The following EMID1 variants were observed in gnomAD, a reference collection of about 807,000 sequenced individuals.
The protein encoded by EMID1 is EMI domain containing 1.
EMID1 carries 40 observed loss-of-function variants against 60.6 expected under a neutral mutation model. That is an observed-to-expected ratio of 0.66 (90% CI 0.51 to 0.86). EMID1 has a LOEUF of 0.86. Ranked by LOEUF, EMID1 falls within the 40% of genes least tolerant of loss-of-function variation. The probability of loss-of-function intolerance (pLI) is 0.00; values close to 1 mark genes in which losing one functional copy is unlikely to be tolerated. For synonymous variants in EMID1, 242 were observed against 231.0 expected (o/e 1.05, Z -0.43); for missense variants, 585 against 597.1 (o/e 0.98, Z 0.21).
chr22:29,215,131 G>A (rs1231835865), intron 2 of EMID1, 92 bp downstream of exon 2: 6 of 1,442,264 alleles, frequency 4.2e-6, no homozygotes, highest in Admixed American at 2.4e-5. Context: ...GGAGTGTGGG[G>A]GAAGACTGGA....
At chr22:29,230,024 C>G (rs2040670416) in intron 5 of EMID1, among the ~76,000 whole-genome samples, 1 of 152,212 alleles carries the variant, frequency 6.6e-6, no homozygotes, top group South Asian at 2.1e-4. Context: ...TCAGACTCTT[C>G]CAAACTTCCT....
intron 12 of EMID1, among the ~76,000 whole-genome samples, chr22:29,236,418 C>T (rs115554322): frequency 0.039 from 5,859 of 152,012 alleles, 236 homozygotes; most frequent in East Asian, 0.13. Flanking sequence ...AGTCTGTGCA[C>T]GGTGGCTCAC....
At chr22:29,224,666 G>T (rs2040432123) in intron 3 of EMID1, among the ~76,000 whole-genome samples, 1 of 152,258 alleles carries the variant, frequency 6.6e-6, no homozygotes. Context: ...TACTGTGTGT[G>T]CCAGTCCCTG....
Position 29,225,128 on chromosome 22 carries a change from C to T in EMID1, c.320-5C>T. On this transcript the variant is annotated splice_region_variant and splice_polypyrimidine_tract_variant and intron_variant, in intron 3 of 14. Coordinates refer to ENST00000334018, the MANE Select transcript of EMID1 (RefSeq NM_133455.4). ...CCAGCAGGGCTCTCACCCTCCATCC[C>T]TTAGTTGCAGCTTCCTCTGCCTCCT... 2 of 1,613,660 alleles carry T rather than the reference C, an allele frequency of 1.2e-6. No individual in the cohort carries two copies. The highest frequency in any genetic ancestry group is 2.2e-5 in the South Asian group (2 of 91,080).
rs1021203430 is a variant in EMID1, at chr22:29,259,581, C to T, written c.*637C>T. Reference sequence around the variant, plus strand: ...GATGTGTGCTGGCCAATAAAGGCCCCTACCTGATTCCCCGCAGCTTGGTCT... The same window carrying T: ...GATGTGTGCTGGCCAATAAAGGCCCTTACCTGATTCCCCGCAGCTTGGTCT... On this transcript the variant is annotated 3_prime_UTR_variant, in exon 15 of 15. Coordinates refer to ENST00000334018, the MANE Select transcript of EMID1 (RefSeq NM_133455.4). 1.1e-5 allele frequency: 2 copies of T among 177,384 alleles called. No homozygotes were observed. The highest frequency in any genetic ancestry group is 4.8e-5 in the African/African-American group (2 of 41,892). 11.0% of individuals were successfully genotyped at this position (177,384 alleles called of 1,614,324 possible).
intron 2 of EMID1, chr22:29,215,293 C>T (rs2040043139): frequency 3.1e-6 from 3 of 981,358 alleles, no homozygotes. Flanking sequence ...TGGGCTCAGG[C>T]CAGCCCAGCC....
At chr22:29,230,427 A>G (rs1264919715) in intron 5 of EMID1, among the ~76,000 whole-genome samples, 1 of 152,232 alleles carries the variant, frequency 6.6e-6, no homozygotes, top group African/African-American at 2.4e-5. Context: ...TCTTATTTGG[A>G]TAACCATAGA....
chr22:29,231,254 C>G, intron 6 of EMID1, 114 bp downstream of exon 6: 1 of 1,411,040 alleles, frequency 7.1e-7, no homozygotes, highest in Admixed American at 2.7e-5. Context: ...TCTAGTGGGC[C>G]TCAGTCTTCC....
chr22:29,239,430 C>T (rs5763083), intron 12 of EMID1, among the ~76,000 whole-genome samples: 62,382 of 150,282 alleles, frequency 0.42, 13,557 homozygotes, highest in East Asian at 0.68. Flanking sequence ...CACGCCCAGG[C>T]CTTTCTTAGA....
intron 1 of EMID1, among the ~76,000 whole-genome samples, chr22:29,208,809 G>C (rs938058978): frequency 5.9e-5 from 9 of 152,346 alleles, no homozygotes; most frequent in African/African-American, 1.9e-4. Flanking sequence ...GCTGGGTGTG[G>C]GGCCCATGTC....
intron 13 of EMID1, among the ~76,000 whole-genome samples, chr22:29,247,122 A>G (rs754339947): frequency 3.3e-5 from 5 of 151,914 alleles, no homozygotes; most frequent in Admixed American, 6.6e-5. Context: ...GGGACTCTGT[A>G]GCCATGCCTG....
At chr22:29,252,305 A>G (rs1439006138) in intron 13 of EMID1, among the ~76,000 whole-genome samples, 1 of 152,240 alleles carries the variant, frequency 6.6e-6, no homozygotes, top group African/African-American at 2.4e-5. Context: ...CATGATGGAC[A>G]TATTGAGAGA....
At position 29,225,195 on chromosome 22, in the gene EMID1, C is replaced by T; in HGVS notation, c.382C>T (p.Leu128Phe). ...WSGSTMRRMA[L>F]RPTAFSGCLN... is the part of the protein sequence containing the mutation. ...GGGCAGTACCATGCGGCGGATGGCG[C>T]TTCGGCCCACAGCCTTCTCAGGTGG... Residue 128 changes from leucine (L) to phenylalanine (F), a missense_variant, in exon 4 of 15, where the codon CTT becomes TTT. Coordinates refer to ENST00000334018, the MANE Select transcript of EMID1 (RefSeq NM_133455.4). 1.2e-6 allele frequency: 2 copies of T among 1,613,898 alleles called. No homozygotes were observed. Among genetic ancestry groups the T allele is most frequent in the Non-Finnish European group, 1.7e-6 (2 of 1,179,998 alleles).
chr22:29,233,468 G>T lies in EMID1; in HGVS notation c.913G>T (p.Gly305Cys). 1 of 1,614,190 alleles carries T rather than the reference G, an allele frequency of 6.2e-7. No homozygotes were observed. The change falls in exon 9 of 15, where the codon GGT becomes TGT. Residue 305 changes from glycine to cysteine, a missense_variant and splice_region_variant. Coordinates refer to ENST00000334018, the MANE Select transcript of EMID1 (RefSeq NM_133455.4). ...GCCTCCAGGCCCTCCAGGGCCCATG[G>T]GTAAGTTGAGTCCAGGCCAGGGGTA... ...TGPPGPPGPMGPPGPPGPTGV... is the reference protein window; with the variant it reads ...TGPPGPPGPMCPPGPPGPTGV...
At chr22:29,234,252 C>A in intron 11 of EMID1, 53 bp downstream of exon 11, 1 of 1,611,700 alleles carries the variant, frequency 6.2e-7, no homozygotes. Flanking sequence ...CCTGAGGGCC[C>A]CAGGTCAGAG....
intron 3 of EMID1, among the ~76,000 whole-genome samples, chr22:29,220,664 C>G (rs113095733): frequency 6.6e-6 from 1 of 151,938 alleles, no homozygotes; most frequent in Non-Finnish European, 1.5e-5. Flanking sequence ...TTTCACACCC[C>G]GAATCCCCAA....
intron 3 of EMID1, among the ~76,000 whole-genome samples, chr22:29,221,122 TGTAG>T (rs1420903324): frequency 2.5e-5 from 2 of 80,022 alleles, no homozygotes; most frequent in African/African-American, 8.6e-5. Context: ...TGTGTGTGTG[TGTAG>T]GGCACGTGAG....
chr22:29,215,756 C>T (rs1289154612), intron 3 of EMID1, 126 bp downstream of exon 3: 1 of 734,578 alleles, frequency 1.4e-6, no homozygotes, highest in Non-Finnish European at 2.3e-6. Flanking sequence ...GCCAGCTGCA[C>T]AGAGCCTGGC....
intron 4 of EMID1, 136 bp from the exon 5 acceptor site, chr22:29,226,354 C>T: frequency 1.0e-6 from 1 of 955,946 alleles, no homozygotes; most frequent in South Asian, 1.7e-5. Flanking sequence ...TAGCCCTTCC[C>T]AAGCCTAAGG....
Sources: gnomAD v4.1 joint callset for allele counts (sites outside exome capture counted in the v4.1 genomes callset) on GRCh38, gnomAD v4.1.1 for gene constraint, MANE v1.5 for transcripts, NCBI Gene and HGNC (gene_info 2026-07-23, HGNC 2026-07-21) for gene names.